The following PTPRM variants were observed in gnomAD, a reference collection of about 807,000 sequenced individuals.
PTPRM encodes the protein receptor-type tyrosine-protein phosphatase mu.
In PTPRM, 47 loss-of-function variants were observed where a neutral mutation model predicts 186.7. The observed-to-expected ratio is 0.25, with a 90% confidence interval of 0.20 to 0.32. PTPRM has a LOEUF of 0.32. PTPRM is among the 10% of genes least tolerant of loss of function. The pLI, the probability that PTPRM is intolerant of heterozygous loss-of-function variation, is 1.00. For missense variants in PTPRM, 1,494 were observed against 1,865.0 expected (o/e 0.80, Z 3.66); for synonymous variants, 668 against 674.9 (o/e 0.99, Z 0.16).
At chr18:7,868,966 G>A (rs372994703) in intron 2 of PTPRM, among the ~76,000 whole-genome samples, 20 of 152,272 alleles carry the variant, frequency 1.3e-4, no homozygotes, top group South Asian at 6.2e-4. Flanking sequence ...GCTTCACCCC[G>A]TTCGAACTTC....
chr18:7,758,267 A>G (rs1403615626), intron 1 of PTPRM, among the ~76,000 whole-genome samples: 1 of 152,242 alleles, frequency 6.6e-6, no homozygotes, highest in Non-Finnish European at 1.5e-5. Flanking sequence ...AAAGGGATCC[A>G]TAAGCTCTTC....
intron 2 of PTPRM, among the ~76,000 whole-genome samples, chr18:7,804,559 T>C (rs1046833083): frequency 1.3e-5 from 2 of 152,214 alleles, no homozygotes; most frequent in Non-Finnish European, 2.9e-5. Context: ...ACCTATCATA[T>C]TATTGCTGTT....
intron 10 of PTPRM, among the ~76,000 whole-genome samples, 198 bp from the exon 11 acceptor site, chr18:8,088,551 A>G (rs530819714): frequency 2.6e-5 from 4 of 152,310 alleles, no homozygotes; most frequent in African/African-American, 9.6e-5. Context: ...ATCACAGAGG[A>G]CAGTATGGGC....
At chr18:8,287,589 C>T (rs914378782) in intron 19 of PTPRM, among the ~76,000 whole-genome samples, 1 of 152,214 alleles carries the variant, frequency 6.6e-6, no homozygotes, top group Non-Finnish European at 1.5e-5. Context: ...AAACATCCAT[C>T]TGCTCTCTAG....
chr18:7,907,145 T>G (rs143476834), intron 4 of PTPRM, among the ~76,000 whole-genome samples: 1 of 152,258 alleles, frequency 6.6e-6, no homozygotes, highest in Non-Finnish European at 1.5e-5. Context: ...ATTTCTACTA[T>G]GAACAACTAA....
At chr18:7,858,838 A>G (rs2047212477) in intron 2 of PTPRM, among the ~76,000 whole-genome samples, 2 of 152,162 alleles carry the variant, frequency 1.3e-5, no homozygotes, top group Non-Finnish European at 2.9e-5. Flanking sequence ...TAGTATGTTG[A>G]TACCAAGGAT....
chr18:8,391,541 A>T (rs981567622), intron 31 of PTPRM, among the ~76,000 whole-genome samples: 1 of 152,190 alleles, frequency 6.6e-6, no homozygotes, highest in Non-Finnish European at 1.5e-5. Context: ...ACAGGCAAAA[A>T]CAATTGATGA....
At chr18:8,208,697 A>T (rs1302905896) in intron 14 of PTPRM, among the ~76,000 whole-genome samples, 1 of 152,176 alleles carries the variant, frequency 6.6e-6, no homozygotes, top group Non-Finnish European at 1.5e-5. Context: ...AATTTTGTAG[A>T]GACAGAATCT....
intron 1 of PTPRM, among the ~76,000 whole-genome samples, chr18:7,731,571 G>T (rs1357702595): frequency 6.6e-6 from 1 of 152,120 alleles, no homozygotes; most frequent in East Asian, 1.9e-4. Context: ...GGCCATCTAA[G>T]TTATCTGCAA....
intron 5 of PTPRM, among the ~76,000 whole-genome samples, chr18:7,933,826 T>C (rs1477282715): frequency 6.6e-6 from 1 of 152,196 alleles, no homozygotes; most frequent in East Asian, 1.9e-4. Context: ...ATTCATAGAA[T>C]GTAGTGGTGC....
At chr18:8,336,110 A>G (rs1024634813) in intron 22 of PTPRM, among the ~76,000 whole-genome samples, 3 of 152,214 alleles carry the variant, frequency 2.0e-5, no homozygotes, top group African/African-American at 4.8e-5. Context: ...ACATCTTAAC[A>G]TAAGCCAAAA....
At chr18:8,359,295 C>T (rs1568824791) in intron 23 of PTPRM, among the ~76,000 whole-genome samples, 1 of 152,244 alleles carries the variant, frequency 6.6e-6, no homozygotes, top group Non-Finnish European at 1.5e-5. Context: ...TGAGCACGCT[C>T]TCCTGGCTCC....
At chr18:7,597,379 G>A (rs1033390575) in intron 1 of PTPRM, among the ~76,000 whole-genome samples, 9 of 152,068 alleles carry the variant, frequency 5.9e-5, no homozygotes, top group Admixed American at 1.3e-4. Context: ...GATGCTAATC[G>A]TTTCTTTACC....
Position 8,406,285 on chromosome 18 carries a change from T to A in PTPRM, c.*123T>A. 1 of 896,954 alleles carries A rather than the reference T, an allele frequency of 1.1e-6. No individual in the cohort carries two copies. Among genetic ancestry groups the A allele is most frequent in the Non-Finnish European group, 1.7e-6 (1 of 578,380 alleles). The allele number at this position is 896,954 out of a possible 1,614,324, so 55.6% of individuals were successfully genotyped here. A position where few individuals can be genotyped will look rare whatever the true frequency, so the allele number is the denominator to read the frequency against. ...ATTTTGCTTTGCATAATTGGCTCTT[T>A]TTAAGAGCCCAAGAAAGTGTTTCTA... On this transcript the variant is annotated 3_prime_UTR_variant, in exon 33 of 33. Transcript: ENST00000580170.
At chr18:7,871,846 T>C (rs967309108) in intron 2 of PTPRM, among the ~76,000 whole-genome samples, 1 of 152,218 alleles carries the variant, frequency 6.6e-6, no homozygotes, top group South Asian at 2.1e-4. Context: ...CAACTTTGAA[T>C]CAGTGGTGCT....
At chr18:7,690,912 A>T (rs1224904682) in intron 1 of PTPRM, among the ~76,000 whole-genome samples, 2 of 152,172 alleles carry the variant, frequency 1.3e-5, no homozygotes, top group Non-Finnish European at 2.9e-5. Context: ...AGTTATGATT[A>T]TATGTATATT....
At chr18:7,911,130 A>C in intron 4 of PTPRM, among the ~76,000 whole-genome samples, 1 of 152,200 alleles carries the variant, frequency 6.6e-6, no homozygotes, top group East Asian at 1.9e-4. Context: ...AAAACCAAAT[A>C]GTATTTTATT....
intron 14 of PTPRM, among the ~76,000 whole-genome samples, chr18:8,227,443 T>G (rs556743185): frequency 6.6e-6 from 1 of 152,304 alleles, no homozygotes; most frequent in South Asian, 2.1e-4. Flanking sequence ...TAAAAAAAAT[T>G]TTCATCCTTT....
intron 1 of PTPRM, among the ~76,000 whole-genome samples, chr18:7,652,689 T>C (rs2144295177): frequency 7.4e-6 from 1 of 134,324 alleles, no homozygotes; most frequent in South Asian, 2.3e-4. Context: ...CACTCATAGG[T>C]GGGAATTGAA....
Sources: gnomAD v4.1 joint callset for allele counts (sites outside exome capture counted in the v4.1 genomes callset) on GRCh38, gnomAD v4.1.1 for gene constraint, MANE v1.5 for transcripts, NCBI Gene and HGNC (gene_info 2026-07-23, HGNC 2026-07-21) for gene names.